Variants in FOXA3 observed in about 807,000 individuals in gnomAD.
The protein encoded by FOXA3 is forkhead box A3.
Under a neutral mutation model 16.9 loss-of-function variants are expected in FOXA3, and 11 were observed. That is an observed-to-expected ratio of 0.65 (90% CI 0.41 to 1.08). FOXA3 has a LOEUF of 1.08. FOXA3 is among the 50% of genes least tolerant of loss of function. The pLI, the probability that FOXA3 is intolerant of heterozygous loss-of-function variation, is 0.00. For synonymous variants in FOXA3, 217 were observed against 203.3 expected (o/e 1.07, Z -0.57); for missense variants, 423 against 470.1 (o/e 0.90, Z 0.93).
In FOXA3 at chr19:45,872,936, T is replaced by G. The variant is rs1568635073; in HGVS notation, c.931T>G (p.Ser311Ala). 2 of 1,613,994 alleles carry G rather than the reference T, an allele frequency of 1.2e-6. No homozygotes were observed. The highest frequency in any genetic ancestry group is 1.7e-6 in the Non-Finnish European group (2 of 1,179,972). ...NHPFSINNLM[S>A]EQTPAPPKLD... is the part of the protein sequence containing the mutation. ...CCCTTTCTCCATCAACAACCTAATG[T>G]CAGAACAGACACCAGCACCTCCCAA... Residue 311 changes from serine to alanine, a missense_variant, in exon 2 of 2, where the codon TCA becomes GCA. By Grantham distance (99) the Ser-to-Ala change is moderately conservative (BLOSUM62 1). Coordinates refer to ENST00000302177, the MANE Select transcript of FOXA3 (RefSeq NM_004497.3). This position sits in a 1 kb window ranked among gnomAD's most constrained non-coding sequence, Gnocchi z 4.5.
rs1032061251 is a variant in FOXA3 at position 45,872,235 on chromosome 19, C to G, written c.230C>G (p.Thr77Ser). 2 of 1,606,980 alleles carry G rather than the reference C, an allele frequency of 1.2e-6. No homozygotes were observed. Among genetic ancestry groups the G allele is most frequent in the Admixed American group, 1.7e-5 (1 of 59,620 alleles). ...GCACCTGCAGCCCCCCTGGGGCCCACTTTCCCAGGCCTGGGTGTCAGCGGT... is the reference window on the plus strand; with the variant it reads ...GCACCTGCAGCCCCCCTGGGGCCCAGTTTCCCAGGCCTGGGTGTCAGCGGT... ...PPAPAAPLGP[T>S]FPGLGVSGGS... The change falls in exon 2 of 2, where the codon ACT (threonine) becomes AGT (serine). Residue 77 changes from threonine (T) to serine (S), a missense_variant. By Grantham distance (58) the Thr-to-Ser change is moderately conservative. This residue lies in a region of FOXA3 where 170 missense variants were observed against 153.9 expected (regional missense o/e 1.10). Transcript: ENST00000302177. This position sits in a 1 kb window ranked among gnomAD's most constrained non-coding sequence, Gnocchi z 4.5.
chr19:45,871,369 A>C (rs1233207302), intron 1 of FOXA3, among the ~76,000 whole-genome samples: 1 of 152,048 alleles, frequency 6.6e-6, no homozygotes, highest in Non-Finnish European at 1.5e-5. Context: ...CTCTGTTGGA[A>C]TATCAACACC....
chr19:45,871,067 G>A (rs1942749845), intron 1 of FOXA3, among the ~76,000 whole-genome samples: 3 of 152,058 alleles, frequency 2.0e-5, no homozygotes, highest in Non-Finnish European at 2.9e-5. Flanking sequence ...TTCAGCCTGA[G>A]TGACAGAGTG....
At chr19:45,869,181 C>A (rs1356473369) in intron 1 of FOXA3, among the ~76,000 whole-genome samples, 1 of 152,092 alleles carries the variant, frequency 6.6e-6, no homozygotes, top group Non-Finnish European at 1.5e-5. Flanking sequence ...CACCCCCACC[C>A]CCCCCACCTC....
rs199885627 is a variant in FOXA3 at position 45,872,069 on chromosome 19, C to T, written c.70-6C>T. On this transcript the variant is annotated splice_region_variant and splice_polypyrimidine_tract_variant and intron_variant, in intron 1 of 1. Coordinates refer to ENST00000302177, the MANE Select transcript of FOXA3 (RefSeq NM_004497.3). The surrounding 1 kb of genome is among the most constrained non-coding windows in gnomAD (Gnocchi z 4.5). Reference sequence around the variant, plus strand: ...CCACTGACCCCTCCTTTCATCTTTCCCCTAGGTCTACTCGCCGGTGACCCC... The same window carrying T: ...CCACTGACCCCTCCTTTCATCTTTCTCCTAGGTCTACTCGCCGGTGACCCC... 363 of 1,612,060 alleles carry T rather than the reference C, an allele frequency of 2.3e-4. No homozygotes were observed. Among genetic ancestry groups the T allele is most frequent in the South Asian group, 1.5e-3 (132 of 90,878 alleles).
At chr19:45,867,119 T>A (rs1286136157) in intron 1 of FOXA3, among the ~76,000 whole-genome samples, 2 of 151,950 alleles carry the variant, frequency 1.3e-5, no homozygotes, top group African/African-American at 4.8e-5. Context: ...CAAGGAGGAC[T>A]TCCGGGTGGG....
chr19:45,869,573 T>C (rs558139518), intron 1 of FOXA3, among the ~76,000 whole-genome samples: 1 of 152,144 alleles, frequency 6.6e-6, no homozygotes, highest in Non-Finnish European at 1.5e-5. Context: ...CATTTGAACA[T>C]TTCCAAAAAT....
Position 45,873,476 on chromosome 19 carries a change from C to T in FOXA3, c.*418C>T, listed in dbSNP as rs577862557. 1.3e-5 allele frequency: 3 copies of T among 227,860 alleles called. No homozygotes were observed. Among genetic ancestry groups the T allele is most frequent in the Non-Finnish European group, 2.6e-5 (3 of 113,644 alleles). 14.1% of individuals were successfully genotyped at this position (227,860 alleles called of 1,614,324 possible). A position where few individuals can be genotyped will look rare whatever the true frequency, so the allele number is the denominator to read the frequency against. On this transcript the variant is annotated 3_prime_UTR_variant, in exon 2 of 2. Coordinates refer to ENST00000302177, the MANE Select transcript of FOXA3 (RefSeq NM_004497.3). ...AAGTTGGCCACCATTCTGTGTAACA[C>T]CTTTTTTGGCCCATTGGGTGCTTTG...
chr19:45,870,172 CTTT>C (rs61352328), intron 1 of FOXA3, among the ~76,000 whole-genome samples: 4 of 130,038 alleles, frequency 3.1e-5, no homozygotes, highest in Non-Finnish European at 4.9e-5. Context: ...GTTATAATAA[CTTT>C]TTTTTTTTTT....
chr19:45,865,685 C>G (rs563509271), intron 1 of FOXA3, among the ~76,000 whole-genome samples: 3 of 151,910 alleles, frequency 2.0e-5, no homozygotes, highest in Non-Finnish European at 2.9e-5. Flanking sequence ...GGGCTCGAAA[C>G]TGTAGGGTGG....
intron 1 of FOXA3, among the ~76,000 whole-genome samples, chr19:45,867,712 G>A (rs967010314): frequency 3.4e-5 from 5 of 149,000 alleles, no homozygotes; most frequent in South Asian, 4.3e-4. Flanking sequence ...CCCAGGAGGC[G>A]GAGGTTGCAG....
At chr19:45,864,918 GGAAA>G (rs1293695559) in intron 1 of FOXA3, among the ~76,000 whole-genome samples, 1 of 152,080 alleles carries the variant, frequency 6.6e-6, no homozygotes, top group East Asian at 1.9e-4. Context: ...AAAGTTGGAG[GGAAA>G]GAAAGACTAA....
At position 45,872,566 on chromosome 19, in the gene FOXA3, G is replaced by A. The variant is rs372030164; in HGVS notation, c.561G>A (p.Lys187=). The change falls in exon 2 of 2, where the codon AAG becomes AAA. Residue 187 remains lysine, a synonymous_variant. Coordinates refer to ENST00000302177, the MANE Select transcript of FOXA3 (RefSeq NM_004497.3). The surrounding 1 kb of genome is among the most constrained non-coding windows in gnomAD (Gnocchi z 4.5). The part of the protein sequence containing the change: ...KVARSPDKPG[K]GSYWALHPSS... The stretch of plus-strand genomic sequence containing the variant: ...CGCGTTCCCCAGACAAGCCTGGCAA[G>A]GGCTCCTACTGGGCCCTACACCCCA... The A allele has an allele frequency of 2.5e-4, 397 of 1,614,162 alleles. 4 individuals carry two copies. The South Asian group carries it at 4.0e-3, about 16-fold the overall frequency.
intron 1 of FOXA3, among the ~76,000 whole-genome samples, chr19:45,867,779 C>CAAAAAAAA (rs60785587): frequency 0.063 from 3,473 of 55,294 alleles, 313 homozygotes; most frequent in African/African-American, 0.083. Flanking sequence ...GACTCTATCT[C>CAAAAAAAA]AAAAAAAAAA....
rs769534850 is a variant in FOXA3, at chr19:45,868,307, T to C, written c.70-3768T>C. Among the ~76,000 whole-genome samples, 4 of 151,938 alleles carry C rather than the reference T, an allele frequency of 2.6e-5. No homozygotes were observed. In the South Asian group the frequency reaches 8.3e-4, roughly 32 times the overall value. ...AAGCTTACAGTGGTAGGGCCAGACATGGTGGCTCATGGCTATAATCCCAAC... is the reference window on the plus strand; with the variant it reads ...AAGCTTACAGTGGTAGGGCCAGACACGGTGGCTCATGGCTATAATCCCAAC... On this transcript the variant is annotated intron_variant, in intron 1 of 1. Transcript: ENST00000302177.
intron 1 of FOXA3, among the ~76,000 whole-genome samples, chr19:45,867,393 A>G (rs1046731412): frequency 6.6e-6 from 1 of 150,540 alleles, no homozygotes; most frequent in African/African-American, 2.4e-5. Flanking sequence ...GGTGAGGGGG[A>G]ATGGATTTGT....
At chr19:45,869,402 T>C (rs894763046) in intron 1 of FOXA3, among the ~76,000 whole-genome samples, 1 of 152,162 alleles carries the variant, frequency 6.6e-6, no homozygotes, top group African/African-American at 2.4e-5. Flanking sequence ...CCTCCTCCCA[T>C]AGTATGGTTG....
chr19:45,865,377 T>G (rs1334670868), intron 1 of FOXA3, among the ~76,000 whole-genome samples: 1 of 152,046 alleles, frequency 6.6e-6, no homozygotes, highest in Non-Finnish European at 1.5e-5. Flanking sequence ...GGTGGCGGCA[T>G]ATTCTAATCC....
intron 1 of FOXA3, among the ~76,000 whole-genome samples, chr19:45,870,641 C>T (rs893096835): frequency 6.7e-6 from 1 of 149,346 alleles, no homozygotes; most frequent in African/African-American, 2.5e-5. Flanking sequence ...ATGATCTCAG[C>T]TCACCGCAGC....
Sources: allele counts gnomAD v4.1 joint callset (sites outside exome capture counted in the v4.1 genomes callset), GRCh38; gene constraint gnomAD v4.1.1; regional missense constraint gnomAD v4.1.1; non-coding constraint Gnocchi (gnomAD v3.1); transcripts MANE v1.5; gene names NCBI Gene and HGNC (gene_info 2026-07-23, HGNC 2026-07-21).